DLGAP2: variants seen among roughly 807,000 people sequenced by gnomAD.
The protein encoded by DLGAP2 is DLG associated protein 2, also known as disks large-associated protein 2.
DLGAP2 carries 26 observed loss-of-function variants against 100.3 expected under a neutral mutation model. That is an observed-to-expected ratio of 0.26 (90% CI 0.19 to 0.36). The LOEUF (loss-of-function observed/expected upper bound fraction) is 0.36. Ranked by LOEUF, DLGAP2 falls within the 10% of genes least tolerant of loss-of-function variation. The pLI is 1.00. For missense variants in DLGAP2, 1,858 were observed against 1,453.2 expected (o/e 1.28, Z -4.53); for synonymous variants, 886 against 630.1 (o/e 1.41, Z -6.08).
intron 3 of DLGAP2, among the ~76,000 whole-genome samples, chr8:1,357,269 G>GT (rs1563103166): frequency 6.6e-6 from 1 of 152,072 alleles, no homozygotes; most frequent in African/African-American, 2.4e-5. Flanking sequence ...CGGAGAAGGG[G>GT]TGTCCTTCAG....
intron 2 of DLGAP2, among the ~76,000 whole-genome samples, chr8:1,241,930 A>G (rs974379907): frequency 6.6e-6 from 1 of 152,238 alleles, no homozygotes; most frequent in Admixed American, 6.5e-5. Context: ...TAATATGACA[A>G]GGTACATGAA....
At chr8:1,694,718 G>T (rs1799336933) in intron 13 of DLGAP2, among the ~76,000 whole-genome samples, 1 of 152,122 alleles carries the variant, frequency 6.6e-6, no homozygotes, top group South Asian at 2.1e-4. Context: ...GCCACACGGG[G>T]CACCGAAGTT....
intron 2 of DLGAP2, among the ~76,000 whole-genome samples, chr8:1,127,076 A>G (rs1231350993): frequency 7.5e-6 from 1 of 133,736 alleles, no homozygotes; most frequent in Non-Finnish European, 1.6e-5. Context: ...GGAGCTCATG[A>G]GGGACCCCCA....
intron 6 of DLGAP2, among the ~76,000 whole-genome samples, chr8:1,595,673 CA>C (rs760901814): frequency 2.5e-4 from 25 of 98,504 alleles, no homozygotes; most frequent in African/African-American, 5.6e-4. Context: ...GACTCCGTCT[CA>C]AAAAAAAAAA....
At chr8:1,155,471 T>G (rs924981738) in intron 2 of DLGAP2, among the ~76,000 whole-genome samples, 1 of 152,048 alleles carries the variant, frequency 6.6e-6, no homozygotes, top group Non-Finnish European at 1.5e-5. Flanking sequence ...CTTAGAAAAT[T>G]CACTCTCGGA....
chr8:1,339,480 G>T (rs1585275747), intron 3 of DLGAP2, among the ~76,000 whole-genome samples: 1 of 152,218 alleles, frequency 6.6e-6, no homozygotes, highest in South Asian at 2.1e-4. Context: ...ACCCTCCCTT[G>T]GTGAGCTCCA....
intron 3 of DLGAP2, among the ~76,000 whole-genome samples, chr8:1,322,034 T>G (rs1248583533): frequency 6.6e-6 from 1 of 152,214 alleles, no homozygotes; most frequent in Non-Finnish European, 1.5e-5. Flanking sequence ...TAATCTCCAA[T>G]GGGTTTTAAT....
At chr8:1,441,533 C>T (rs962159993) in intron 3 of DLGAP2, among the ~76,000 whole-genome samples, 1 of 151,836 alleles carries the variant, frequency 6.6e-6, no homozygotes, top group Admixed American at 6.6e-5. Flanking sequence ...ACTAAAAGTA[C>T]AAAAATTAGC....
intron 3 of DLGAP2, among the ~76,000 whole-genome samples, chr8:1,466,424 G>A (rs747329815): frequency 5.3e-5 from 8 of 152,070 alleles, no homozygotes; most frequent in South Asian, 2.1e-4. Context: ...GGAACCACGC[G>A]TGCAGTGACC....
chr8:1,536,141 A>T (rs2130472153), intron 4 of DLGAP2, among the ~76,000 whole-genome samples: 2 of 152,314 alleles, frequency 1.3e-5, no homozygotes, highest in South Asian at 4.1e-4. Flanking sequence ...CTGAGTATTC[A>T]GGAGAACTGT....
chr8:765,117 T>C (rs1205791507), intron 1 of DLGAP2, among the ~76,000 whole-genome samples: 1 of 152,176 alleles, frequency 6.6e-6, no homozygotes, highest in African/African-American at 2.4e-5. Flanking sequence ...CTACAGTGGG[T>C]GGGGTGCCCG....
intron 2 of DLGAP2, among the ~76,000 whole-genome samples, chr8:1,172,894 C>G (rs535854240): frequency 2.0e-5 from 3 of 152,342 alleles, no homozygotes; most frequent in South Asian, 4.1e-4. Flanking sequence ...CAAAGTCATT[C>G]TCCGTCCAGC....
chr8:1,209,259 A>G (rs554495509), intron 2 of DLGAP2, among the ~76,000 whole-genome samples: 1 of 152,236 alleles, frequency 6.6e-6, no homozygotes, highest in Admixed American at 6.5e-5. Flanking sequence ...CTATACTATA[A>G]GGCTATAATC....
intron 3 of DLGAP2, among the ~76,000 whole-genome samples, chr8:1,287,789 ATGTG>A (rs1340707673): frequency 5.6e-5 from 2 of 35,794 alleles, no homozygotes; most frequent in Non-Finnish European, 9.8e-5. Context: ...GTCTGTGTGT[ATGTG>A]TGTGTGGTTC....
intron 2 of DLGAP2, among the ~76,000 whole-genome samples, chr8:1,184,319 T>G (rs1797453767): frequency 6.6e-6 from 1 of 152,216 alleles, no homozygotes; most frequent in African/African-American, 2.4e-5. Flanking sequence ...AGGTGCTCAG[T>G]AGTGGGAGAT....
intron 3 of DLGAP2, among the ~76,000 whole-genome samples, chr8:1,324,471 G>A (rs1007582911): frequency 2.0e-4 from 30 of 152,252 alleles, no homozygotes; most frequent in African/African-American, 7.0e-4. Flanking sequence ...GCGTTCAAGC[G>A]ACATGTTTCC....
intron 2 of DLGAP2, among the ~76,000 whole-genome samples, chr8:1,070,900 C>T (rs911188164): frequency 4.6e-5 from 7 of 152,230 alleles, no homozygotes; most frequent in African/African-American, 1.7e-4. Context: ...AAGCACTGAG[C>T]ACCGTTGGCT....
intron 3 of DLGAP2, among the ~76,000 whole-genome samples, chr8:1,345,133 T>G (rs1801525049): frequency 8.3e-6 from 1 of 120,380 alleles, no homozygotes; most frequent in Non-Finnish European, 1.9e-5. Context: ...ATAATTCGGT[T>G]TTGGTACAGT....
intron 2 of DLGAP2, among the ~76,000 whole-genome samples, chr8:1,077,914 G>A (rs546518289): frequency 3.9e-5 from 6 of 152,258 alleles, no homozygotes; most frequent in African/African-American, 9.6e-5. Flanking sequence ...AGCGGCCGCC[G>A]CACAGCCCTG....
Sources: allele counts gnomAD v4.1 joint callset (sites outside exome capture counted in the v4.1 genomes callset), GRCh38; gene constraint gnomAD v4.1.1; transcripts MANE v1.5; gene names NCBI Gene and HGNC (gene_info 2026-07-23, HGNC 2026-07-21).